The following COL4A1 variants were observed in gnomAD, a reference collection of about 807,000 sequenced individuals.
COL4A1 encodes the protein collagen alpha-1(IV) chain.
A neutral mutation model predicts 216.6 loss-of-function variants in COL4A1; 40 were observed. The observed-to-expected ratio is 0.18, with a 90% CI of 0.14 to 0.24. The LOEUF (loss-of-function observed/expected upper bound fraction) is 0.24. COL4A1 is among the 10% of genes least tolerant of loss of function. The pLI is 1.00. For missense variants in COL4A1, 1,628 were observed against 2,196.8 expected (o/e 0.74, Z 5.18); for synonymous variants, 839 against 810.7 (o/e 1.03, Z -0.59).
At chr13:110,188,824 C>T (rs532829006) in intron 24 of COL4A1, among the ~76,000 whole-genome samples, 1 of 152,268 alleles carries the variant, frequency 6.6e-6, no homozygotes, top group South Asian at 2.1e-4. Flanking sequence ...GCTGAAACAT[C>T]GCAGGCTAAG....
At position 110,166,301 on chromosome 13, in the gene COL4A1, G is replaced by A. The variant is rs1877334157; in HGVS notation, c.3952C>T (p.Pro1318Ser). 6.2e-7 allele frequency: 1 copy of A among 1,606,122 alleles called. No homozygotes were observed. Among genetic ancestry groups the A allele is most frequent in the Non-Finnish European group, 8.5e-7 (1 of 1,172,826 alleles). Residue 1318 changes from proline to serine, a missense_variant and splice_region_variant, in exon 45 of 52, where the codon CCA becomes TCA. Coordinates refer to ENST00000375820, the MANE Select transcript of COL4A1 (RefSeq NM_001845.6). ...GPPGVPGFQGPKGLPGLQGIK... is the reference protein window; with the variant it reads ...GPPGVPGFQGSKGLPGLQGIK... ...CCCTGGAGGCCAGGAAGACCTTTTG[G>A]ACCTAAAAGCAGAGGGAAAGCACTG...
chr13:110,304,579 G>T (rs1402491451), intron 1 of COL4A1, among the ~76,000 whole-genome samples: 1 of 152,218 alleles, frequency 6.6e-6, no homozygotes, highest in Non-Finnish European at 1.5e-5. Flanking sequence ...TTTGTCTGGA[G>T]CCTGCAAGCT....
intron 51 of COL4A1, among the ~76,000 whole-genome samples, chr13:110,150,794 C>T (rs1876467788): frequency 6.6e-6 from 1 of 152,172 alleles, no homozygotes; most frequent in South Asian, 2.1e-4. Context: ...CACTTTTTTT[C>T]CATTCTCCTC....
intron 20 of COL4A1, among the ~76,000 whole-genome samples, chr13:110,200,469 C>A (rs1398204151): frequency 6.6e-6 from 1 of 152,140 alleles, no homozygotes; most frequent in Non-Finnish European, 1.5e-5. Context: ...GGAAAGTGGT[C>A]AGGACGCTGA....
chr13:110,252,612 T>TAC (rs1409194826), intron 1 of COL4A1, among the ~76,000 whole-genome samples: 1 of 30,188 alleles, frequency 3.3e-5, no homozygotes, highest in African/African-American at 1.0e-4. Context: ...ATGTATTATA[T>TAC]ATGTATAATT....
At chr13:110,198,880 T>C (rs1356279061) in intron 20 of COL4A1, among the ~76,000 whole-genome samples, 1 of 152,246 alleles carries the variant, frequency 6.6e-6, no homozygotes, top group Non-Finnish European at 1.5e-5. Context: ...AATCTGTGAA[T>C]TTCTCTCAGT....
At chr13:110,213,729 G>A (rs1210693256) in intron 4 of COL4A1, 53 bp downstream of exon 4, 12 of 1,572,460 alleles carry the variant, frequency 7.6e-6, no homozygotes, top group Non-Finnish European at 9.6e-6. Context: ...GGCTCTGGAA[G>A]CGGGCCTGTC....
intron 51 of COL4A1, among the ~76,000 whole-genome samples, chr13:110,151,504 A>G (rs912456619): frequency 2.0e-5 from 3 of 152,246 alleles, no homozygotes; most frequent in Non-Finnish European, 4.4e-5. Flanking sequence ...GTAACGAATT[A>G]GAGAAGCGTG....
intron 28 of COL4A1, among the ~76,000 whole-genome samples, 194 bp downstream of exon 28, chr13:110,182,799 C>G (rs563357754): frequency 3.9e-5 from 6 of 152,256 alleles, no homozygotes; most frequent in Admixed American, 6.5e-5. Context: ...ATCTTCCCAA[C>G]CAAACCCTAC....
chr13:110,150,187 T>C lies in COL4A1; in HGVS notation c.*176A>G, dbSNP rs11545877. 2.7e-3 allele frequency: 1,874 copies of C among 682,364 alleles called. 9 individuals carry two copies. The highest frequency in any genetic ancestry group is 3.6e-3 in the Non-Finnish European group (1,372 of 376,820). The allele number at this position is 682,364 out of a possible 1,614,324, so 42.3% of individuals were successfully genotyped here. A position where few individuals can be genotyped will look rare whatever the true frequency, so the allele number is the denominator to read the frequency against. ...AAGCTTATCGCTGTCTTTTTCTCCTTCAGCAAGTAGAGGTCAATGAAGCAG... is the reference window on the plus strand; with the variant it reads ...AAGCTTATCGCTGTCTTTTTCTCCTCCAGCAAGTAGAGGTCAATGAAGCAG... On this transcript the variant is annotated 3_prime_UTR_variant, in exon 52 of 52. Transcript: ENST00000375820.
intron 1 of COL4A1, among the ~76,000 whole-genome samples, chr13:110,288,773 C>T (rs1230235501): frequency 6.6e-6 from 1 of 152,178 alleles, no homozygotes; most frequent in Non-Finnish European, 1.5e-5. Context: ...GTGGCTCACG[C>T]CTGTAATCCC....
intron 50 of COL4A1, 145 bp from the exon 51 acceptor site, chr13:110,152,651 G>T: frequency 9.4e-7 from 1 of 1,060,668 alleles, no homozygotes; most frequent in South Asian, 1.4e-5. Flanking sequence ...GACACACTCT[G>T]TGCCCAAATT....
chr13:110,237,605 T>A (rs767727580), intron 2 of COL4A1, among the ~76,000 whole-genome samples: 4 of 152,190 alleles, frequency 2.6e-5, no homozygotes, highest in Non-Finnish European at 4.4e-5. Flanking sequence ...CACTGTATAA[T>A]AGATATTACA....
chr13:110,195,527 C>T (rs575725718), intron 21 of COL4A1, among the ~76,000 whole-genome samples: 29 of 152,284 alleles, frequency 1.9e-4, no homozygotes, highest in African/African-American at 7.0e-4. Context: ...GAAAAATTTT[C>T]TTCCTTTTTT....
At chr13:110,283,589 C>T (rs1470213972) in intron 1 of COL4A1, among the ~76,000 whole-genome samples, 1 of 152,242 alleles carries the variant, frequency 6.6e-6, no homozygotes, top group Non-Finnish European at 1.5e-5. Flanking sequence ...CATGCATACA[C>T]TCCCTCACAT....
chr13:110,185,760 C>T (rs1471280795), intron 26 of COL4A1, among the ~76,000 whole-genome samples: 1 of 152,154 alleles, frequency 6.6e-6, no homozygotes, highest in East Asian at 1.9e-4. Flanking sequence ...GAGAGGAGAA[C>T]GACGAGGGAG....
chr13:110,184,960 G>A (rs114513125), intron 26 of COL4A1, among the ~76,000 whole-genome samples: 2,159 of 152,034 alleles, frequency 0.014, 60 homozygotes, highest in African/African-American at 0.05. Context: ...ATGAGCCAGC[G>A]TGCCCAGCCT....
In COL4A1 at chr13:110,149,378, G is replaced by C. The variant is rs1192647457; in HGVS notation, c.*985C>G. The C allele has an allele frequency of 1.7e-4, 26 of 154,642 alleles. No individual in the cohort carries two copies. Among genetic ancestry groups the C allele is most frequent in the Non-Finnish European group, 1.9e-4 (13 of 68,226 alleles). The allele number at this position is 154,642 out of a possible 1,614,324, so 9.6% of individuals were successfully genotyped here. On this transcript the variant is annotated 3_prime_UTR_variant, in exon 52 of 52. Transcript: ENST00000375820. The stretch of plus-strand genomic sequence containing the variant: ...TACTAATGAAATGACGGCCTTTAAG[G>C]TTGTTGCTTTTGAAGTCAAGTCATT...
intron 43 of COL4A1, 27 bp downstream of exon 43, chr13:110,169,602 A>T: frequency 1.2e-6 from 2 of 1,613,646 alleles, no homozygotes; most frequent in Non-Finnish European, 1.7e-6. Context: ...TCCTTTAAAA[A>T]TAAAAATCTA....
Sources: gnomAD v4.1 joint callset for allele counts (sites outside exome capture counted in the v4.1 genomes callset) on GRCh38, gnomAD v4.1.1 for gene constraint, MANE v1.5 for transcripts, NCBI Gene and HGNC (gene_info 2026-07-23, HGNC 2026-07-21) for gene names.